The following ROBO2 variants were observed in gnomAD, a reference collection of about 807,000 sequenced individuals.
ROBO2 encodes roundabout homolog 2.
Under a neutral mutation model 160.8 loss-of-function variants are expected in ROBO2, and 53 were observed. The ratio of observed to expected loss-of-function variants is 0.33; its 90% CI spans 0.26 to 0.41. The LOEUF (loss-of-function observed/expected upper bound fraction) is 0.41. Among genes scored for constraint, ROBO2 ranks in the 10% least tolerant of loss-of-function variants. The pLI, the probability that ROBO2 is intolerant of heterozygous loss-of-function variation, is 1.00. For missense variants in ROBO2, 1,577 were observed against 1,722.4 expected, an observed-to-expected ratio of 0.92 and a Z score of 1.49; for synonymous variants, 664 against 611.7, an observed-to-expected ratio of 1.09 and a Z score of -1.26.
At chr3:77,078,806 C>T (rs1285788098) in intron 1 of ROBO2, among the ~76,000 whole-genome samples, 1 of 152,168 alleles carries the variant, frequency 6.6e-6, no homozygotes, top group Admixed American at 6.5e-5. Context: ...ACCAGTGCTA[C>T]CAGTTTCCCA....
At chr3:77,116,343 T>C (rs2074197110) in intron 2 of ROBO2, among the ~76,000 whole-genome samples, 1 of 152,196 alleles carries the variant, frequency 6.6e-6, no homozygotes, top group Non-Finnish European at 1.5e-5. Context: ...CATGGGCTTG[T>C]CATGTAACTG....
At chr3:76,176,437 A>C (rs1418539947) in intron 2 of ROBO2, among the ~76,000 whole-genome samples, 1 of 152,276 alleles carries the variant, frequency 6.6e-6, no homozygotes, top group East Asian at 1.9e-4. Context: ...ATAGTCATGA[A>C]TATTACAGTA....
At chr3:76,353,965 C>A (rs372979378) in intron 2 of ROBO2, among the ~76,000 whole-genome samples, 2 of 151,910 alleles carry the variant, frequency 1.3e-5, no homozygotes, top group African/African-American at 4.8e-5. Context: ...TTATTACAGT[C>A]GGAGACGAAG....
chr3:76,853,256 TAAAA>T (rs1223832724), intron 2 of ROBO2, among the ~76,000 whole-genome samples: 6 of 152,070 alleles, frequency 3.9e-5, no homozygotes, highest in Non-Finnish European at 5.9e-5. Context: ...ACAAAGTAAC[TAAAA>T]AATAGTTGGT....
chr3:76,009,696 A>G (rs2066138808), intron 2 of ROBO2, among the ~76,000 whole-genome samples: 1 of 152,174 alleles, frequency 6.6e-6, no homozygotes, highest in South Asian at 2.1e-4. Flanking sequence ...CCTCATGCAT[A>G]TATAGTTTTA....
intron 2 of ROBO2, among the ~76,000 whole-genome samples, chr3:76,535,194 G>A (rs539185326): frequency 6.6e-6 from 1 of 152,066 alleles, no homozygotes; most frequent in African/African-American, 2.4e-5. Context: ...GAGACTATAG[G>A]GGTTTGGCAC....
At chr3:76,445,407 A>T (rs1316531061) in intron 2 of ROBO2, among the ~76,000 whole-genome samples, 1 of 152,180 alleles carries the variant, frequency 6.6e-6, no homozygotes, top group Non-Finnish European at 1.5e-5. Context: ...GACACTTAGT[A>T]ATATTTTAGT....
chr3:77,075,617 A>G (rs920205069), intron 1 of ROBO2, among the ~76,000 whole-genome samples: 2 of 137,340 alleles, frequency 1.5e-5, no homozygotes, highest in Non-Finnish European at 3.1e-5. Flanking sequence ...AAAATATGCT[A>G]TTTTTTTATA....
Position 77,595,190 on chromosome 3 carries a change from C to T in ROBO2, c.2726+6C>T. 5.0e-6 allele frequency: 8 copies of T among 1,603,136 alleles called. No homozygotes were observed. Among genetic ancestry groups the T allele is most frequent in the Non-Finnish European group, 6.8e-6 (8 of 1,170,678 alleles). On this transcript the variant is annotated splice_donor_region_variant and intron_variant, in intron 18 of 25. Transcript: ENST00000461745. ...GGACTAATGAGCAATGGAAGGTATG[C>T]TACGGAGATTGTTTCATTATTATTT...
chr3:76,513,473 C>T (rs758993806), intron 2 of ROBO2, among the ~76,000 whole-genome samples: 3 of 152,184 alleles, frequency 2.0e-5, no homozygotes, highest in Admixed American at 1.3e-4. Context: ...TCTCCTGCCT[C>T]AGCCCCCTGA....
intron 2 of ROBO2, among the ~76,000 whole-genome samples, chr3:77,393,184 CAT>C (rs2074923108): frequency 1.3e-5 from 2 of 152,060 alleles, no homozygotes; most frequent in Admixed American, 6.6e-5. Context: ...TATCAATTAA[CAT>C]ATTTTTATTC....
At chr3:76,610,317 G>A (rs1325188143) in intron 2 of ROBO2, among the ~76,000 whole-genome samples, 1 of 152,074 alleles carries the variant, frequency 6.6e-6, no homozygotes, top group Non-Finnish European at 1.5e-5. Flanking sequence ...CCCTGGGTTC[G>A]CTCAGCCCGC....
intron 20 of ROBO2, among the ~76,000 whole-genome samples, chr3:77,606,544 T>A (rs1462587740): frequency 6.6e-6 from 1 of 152,184 alleles, no homozygotes; most frequent in East Asian, 1.9e-4. Flanking sequence ...CTTTGAAATA[T>A]GTGTGAAGGT....
At chr3:76,106,790 ATGGAAGGGTAATACCACAGCCCTT>A (rs1385614827) in intron 2 of ROBO2, among the ~76,000 whole-genome samples, 1 of 152,102 alleles carries the variant, frequency 6.6e-6, no homozygotes, top group East Asian at 1.9e-4. Flanking sequence ...TTTATTTATA[ATGGAAGGGTAATACCACAGCCCTT>A]TTCTGTCTGA....
chr3:77,093,819 A>G (rs1332445050), intron 1 of ROBO2, among the ~76,000 whole-genome samples: 1 of 152,048 alleles, frequency 6.6e-6, no homozygotes, highest in African/African-American at 2.4e-5. Context: ...AGTTCACTTT[A>G]TGTCCTAATT....
chr3:77,157,883 TAAAC>T (rs1357587083), intron 2 of ROBO2, among the ~76,000 whole-genome samples: 3 of 152,076 alleles, frequency 2.0e-5, no homozygotes, highest in African/African-American at 7.2e-5. Flanking sequence ...TTGTGGGAGA[TAAAC>T]AATAATAGTA....
chr3:76,862,123 GA>G (rs1389563030), intron 2 of ROBO2, among the ~76,000 whole-genome samples: 1 of 151,942 alleles, frequency 6.6e-6, no homozygotes, highest in Non-Finnish European at 1.5e-5. Context: ...AGGAAGGAAG[GA>G]AAAGAAGGAA....
At chr3:77,247,840 A>G (rs954343551) in intron 2 of ROBO2, among the ~76,000 whole-genome samples, 6 of 152,206 alleles carry the variant, frequency 3.9e-5, no homozygotes, top group African/African-American at 1.2e-4. Context: ...TATTAAATTC[A>G]TAATACTGAT....
chr3:76,118,975 AATC>A (rs1379726916), intron 2 of ROBO2, among the ~76,000 whole-genome samples: 1 of 152,182 alleles, frequency 6.6e-6, no homozygotes, highest in Non-Finnish European at 1.5e-5. Context: ...TCTTATAGAA[AATC>A]ATCTAGCTGT....
Sources: allele counts gnomAD v4.1 joint callset (sites outside exome capture counted in the v4.1 genomes callset), GRCh38; gene constraint gnomAD v4.1.1; transcripts MANE v1.5; gene names NCBI Gene and HGNC (gene_info 2026-07-23, HGNC 2026-07-21).